The following MYO5A variants were observed in gnomAD, a reference collection of about 807,000 sequenced individuals.
The protein encoded by MYO5A is myosin VA.
In MYO5A, 98 loss-of-function variants were observed where a neutral mutation model predicts 249.7. That is an observed-to-expected ratio of 0.39 (90% CI 0.33 to 0.46). MYO5A has a LOEUF of 0.46. Among genes scored for constraint, MYO5A ranks in the 20% least tolerant of loss-of-function variants. The probability of loss-of-function intolerance (pLI) is 0.98; values close to 1 mark genes in which losing one functional copy is unlikely to be tolerated. For synonymous variants in MYO5A, 778 were observed against 810.6 expected, an observed-to-expected ratio of 0.96 and a Z score of 0.68; for missense variants, 1,696 against 2,308.8, an observed-to-expected ratio of 0.73 and a Z score of 5.44.
intron 24 of MYO5A, among the ~76,000 whole-genome samples, chr15:52,360,713 A>G (rs1027806564): frequency 1.3e-5 from 2 of 152,184 alleles, no homozygotes; most frequent in African/African-American, 4.8e-5. Context: ...TGGCATTTTT[A>G]TGACATGTAA....
In MYO5A at chr15:52,384,249, C is replaced by A. The variant is rs781079093; in HGVS notation, c.1826G>T (p.Arg609Leu). ...TGCAGGAGTTCGTGTGAGGGGTGTG[C>A]GCCCTGAGGAGGTGGCTGAAGTTGG... ...ISPTSATSSG[R>L]TPLTRTPAKP... Residue 609 changes from arginine to leucine, a missense_variant, in exon 15 of 42, where the codon CGC becomes CTC. Physicochemically the swap from Arg to Leu is moderately radical, Grantham distance 102. This residue lies in a region of MYO5A where 277 missense variants were observed against 422.4 expected (regional missense o/e 0.66). Transcript: ENST00000399233. 3.1e-6 allele frequency: 5 copies of A among 1,614,142 alleles called. No individual in the cohort carries two copies. Among genetic ancestry groups the A allele is most frequent in the South Asian group, 1.1e-5 (1 of 91,080 alleles).
At position 52,516,659 on chromosome 15, in the gene MYO5A, C is replaced by T. The variant is rs150660304; in HGVS notation, c.27+12121G>A. On this transcript the variant is annotated intron_variant, in intron 1 of 41. Coordinates refer to ENST00000399233, the MANE Select transcript of MYO5A (RefSeq NM_001382347.1). The stretch of plus-strand genomic sequence containing the variant: ...CTGCTATAAAGATTCCATTCTATAA[C>T]GCTCCTTTAGCATTGGGCATATTTT... Among the ~76,000 whole-genome samples the T allele has an allele frequency of 1.0e-3, 153 of 152,306 alleles. 1 individual carries two copies. Among genetic ancestry groups the T allele is most frequent in the East Asian group, 4.2e-3 (22 of 5,186 alleles).
At chr15:52,393,011 C>T (rs777426530) in intron 11 of MYO5A, among the ~76,000 whole-genome samples, 21 of 152,122 alleles carry the variant, frequency 1.4e-4, no homozygotes, top group Non-Finnish European at 2.8e-4. Flanking sequence ...CAAGCTAGTC[C>T]GGGTGGGAAG....
rs961041891 is a variant in MYO5A, at chr15:52,313,728, T to C, written c.5611A>G (p.Ser1871Gly). Reference sequence around the variant, plus strand: ...CGTGAAATGAAGCCCAGGCCGAGGCTGGCTGGAATCTGGATGGTTTCTAGT... The same window carrying C: ...CGTGAAATGAAGCCCAGGCCGAGGCCGGCTGGAATCTGGATGGTTTCTAGT... The part of the protein sequence containing the change: ...LALETIQIPA[S>G]LGLGFISRV The change falls in exon 42 of 42, where the codon AGC becomes GGC. Residue 1871 changes from serine (S) to glycine (G), a missense_variant. Around this residue, in one of 5 missense-constraint regions of MYO5A, gnomAD observed 625 missense variants for 908.1 expected, o/e 0.69. Coordinates refer to ENST00000399233, the MANE Select transcript of MYO5A (RefSeq NM_001382347.1). 9.9e-6 allele frequency: 16 copies of C among 1,614,054 alleles called. No homozygotes were observed. Among genetic ancestry groups the C allele is most frequent in the Non-Finnish European group, 1.2e-5 (14 of 1,180,020 alleles).
At chr15:52,338,086 T>C (rs1466019612) in intron 32 of MYO5A, among the ~76,000 whole-genome samples, 5 of 152,228 alleles carry the variant, frequency 3.3e-5, no homozygotes, top group Non-Finnish European at 2.9e-5. Context: ...CAGATGTTTC[T>C]TGTGTGAACA....
intron 1 of MYO5A, chr15:52,438,026 T>C (rs2075703516): frequency 5.1e-6 from 5 of 984,958 alleles, no homozygotes; most frequent in Non-Finnish European, 6.0e-6. Context: ...ATTCTATTAT[T>C]ACCATTGCCT....
Position 52,405,288 on chromosome 15 carries a change from G to C in MYO5A, c.1052C>G (p.Pro351Arg). 1.2e-6 allele frequency: 2 copies of C among 1,603,942 alleles called. No homozygotes were observed. Among genetic ancestry groups the C allele is most frequent in the Non-Finnish European group, 1.7e-6 (2 of 1,170,804 alleles). The stretch of plus-strand genomic sequence containing the variant: ...CACTAAAGCTTATTCTGAACTTACA[G>C]GTATTGTGCAGCTGTCTGCATCTCG... ...TSRDADSCTIPPKHEPLCIFC... is the reference protein window; with the variant it reads ...TSRDADSCTIRPKHEPLCIFC... Residue 351 changes from proline (P) to arginine (R), a missense_variant and splice_region_variant, in exon 9 of 42, where the codon CCT becomes CGT. Pro to Arg is a moderately radical substitution (Grantham distance 103). Transcript: ENST00000399233.
rs2037668849 is a variant in MYO5A at position 52,307,925 on chromosome 15, C to T, written c.*5771G>A. On this transcript the variant is annotated 3_prime_UTR_variant, in exon 42 of 42. Transcript: ENST00000399233. Reference sequence around the variant, plus strand: ...TCATAAATTACAACATATATATCCACATTTAAAGAAAAAATTCACCATTTG... The same window carrying T: ...TCATAAATTACAACATATATATCCATATTTAAAGAAAAAATTCACCATTTG... 1 of 152,074 alleles carries T rather than the reference C, an allele frequency of 6.6e-6. No homozygotes were observed. The highest frequency in any genetic ancestry group is 6.6e-5 in the Admixed American group (1 of 15,260). 9.4% of individuals were successfully genotyped at this position (152,074 alleles called of 1,614,324 possible). A position where few individuals can be genotyped will look rare whatever the true frequency, so the allele number is the denominator to read the frequency against.
At chr15:52,380,712 A>G (rs1044605475) in intron 16 of MYO5A, among the ~76,000 whole-genome samples, 1 of 152,216 alleles carries the variant, frequency 6.6e-6, no homozygotes, top group African/African-American at 2.4e-5. Context: ...GGTTGCAGTG[A>G]GCCGAGACCA....
At chr15:52,317,503 A>G (rs1321111525) in intron 39 of MYO5A, among the ~76,000 whole-genome samples, 1 of 152,250 alleles carries the variant, frequency 6.6e-6, no homozygotes, top group Non-Finnish European at 1.5e-5. Flanking sequence ...GCTAATAAAC[A>G]AAATAGAATA....
intron 1 of MYO5A, among the ~76,000 whole-genome samples, chr15:52,491,652 T>C (rs2076938132): frequency 6.6e-6 from 1 of 152,206 alleles, no homozygotes; most frequent in African/African-American, 2.4e-5. Flanking sequence ...AACAAAGATA[T>C]TTACTGTTTA....
intron 27 of MYO5A, among the ~76,000 whole-genome samples, 191 bp downstream of exon 27, chr15:52,353,414 A>G (rs752147926): frequency 5.3e-5 from 8 of 152,188 alleles, no homozygotes; most frequent in Non-Finnish European, 1.2e-4. Flanking sequence ...TGTTAAGACT[A>G]AAGTCTAGCT....
chr15:52,329,772 T>A (rs765921212), intron 35 of MYO5A, among the ~76,000 whole-genome samples: 1 of 152,118 alleles, frequency 6.6e-6, no homozygotes, highest in Non-Finnish European at 1.5e-5. Context: ...AGACTCTTGC[T>A]GTGTAGCCCA....
chr15:52,405,504 G>A, intron 8 of MYO5A, 111 bp from the exon 9 acceptor site: 1 of 807,612 alleles, frequency 1.2e-6, no homozygotes, highest in East Asian at 2.7e-5. Flanking sequence ...CAGATGTTGT[G>A]CATATTATAA....
intron 1 of MYO5A, among the ~76,000 whole-genome samples, chr15:52,449,809 G>T (rs1363205730): frequency 6.6e-6 from 1 of 152,124 alleles, no homozygotes; most frequent in Non-Finnish European, 1.5e-5. Flanking sequence ...AGATCAGCCT[G>T]GGCAACACAG....
chr15:52,352,192 C>T (rs1438807416), intron 27 of MYO5A, among the ~76,000 whole-genome samples: 1 of 152,194 alleles, frequency 6.6e-6, no homozygotes, highest in Non-Finnish European at 1.5e-5. Flanking sequence ...TCATGTCTTA[C>T]CAGCCAGCCC....
At chr15:52,519,767 G>T (rs2077576762) in intron 1 of MYO5A, among the ~76,000 whole-genome samples, 1 of 150,710 alleles carries the variant, frequency 6.6e-6, no homozygotes. Context: ...GTCTTGCTTT[G>T]TCGCCCAGGC....
At chr15:52,409,952 A>G (rs914651290) in intron 6 of MYO5A, among the ~76,000 whole-genome samples, 1 of 152,208 alleles carries the variant, frequency 6.6e-6, no homozygotes, top group African/African-American at 2.4e-5. Context: ...AAGGAAGGAA[A>G]GAGGACAAGA....
At chr15:52,408,535 C>T (rs574491375) in intron 6 of MYO5A, among the ~76,000 whole-genome samples, 27 of 152,084 alleles carry the variant, frequency 1.8e-4, no homozygotes, top group African/African-American at 6.5e-4. Context: ...AAGAATAATC[C>T]CATTCTTGCC....
Sources: gnomAD v4.1 joint callset for allele counts (sites outside exome capture counted in the v4.1 genomes callset) on GRCh38, gnomAD v4.1.1 for gene constraint, gnomAD v4.1.1 regional missense constraint, MANE v1.5 for transcripts, NCBI Gene and HGNC (gene_info 2026-07-23, HGNC 2026-07-21) for gene names.